The following SYT1 variants were observed in gnomAD, a reference collection of about 807,000 sequenced individuals.
SYT1 encodes the protein synaptotagmin 1.
Under a neutral mutation model 44.8 loss-of-function variants are expected in SYT1, and 8 were observed. That is an observed-to-expected ratio of 0.18 (90% CI 0.10 to 0.32). The LOEUF (loss-of-function observed/expected upper bound fraction) is 0.32, where lower values mean the gene tolerates loss of function less well. SYT1 is among the 10% of genes least tolerant of loss of function. The pLI is 1.00. For missense variants in SYT1, 286 were observed against 509.3 expected, an observed-to-expected ratio of 0.56 and a Z score of 4.22; for synonymous variants, 154 against 188.8, an observed-to-expected ratio of 0.82 and a Z score of 1.51.
At chr12:79,010,200 C>A (rs1871328348) in intron 2 of SYT1, among the ~76,000 whole-genome samples, 1 of 151,900 alleles carries the variant, frequency 6.6e-6, no homozygotes, top group Admixed American at 6.6e-5. Flanking sequence ...GAAAAGAGAC[C>A]ATGACAAGAT....
intron 2 of SYT1, among the ~76,000 whole-genome samples, chr12:79,028,774 A>C (rs1020539488): frequency 6.6e-6 from 1 of 151,314 alleles, no homozygotes; most frequent in African/African-American, 2.4e-5. Context: ...TGAAATGTAT[A>C]AGTATTATAG....
intron 3 of SYT1, among the ~76,000 whole-genome samples, chr12:79,179,457 ATC>A (rs1872319138): frequency 1.0e-3 from 1 of 964 alleles, no homozygotes; most frequent in South Asian, 0.05. Flanking sequence ...TATAGATATA[ATC>A]TATATAGATA....
At chr12:79,003,794 GA>G (rs985216454) in intron 2 of SYT1, among the ~76,000 whole-genome samples, 2 of 151,826 alleles carry the variant, frequency 1.3e-5, no homozygotes, top group Non-Finnish European at 2.9e-5. Context: ...CTTCTACAAA[GA>G]AAAAATGTAG....
At chr12:79,307,739 A>G (rs1880479115) in intron 8 of SYT1, among the ~76,000 whole-genome samples, 2 of 152,206 alleles carry the variant, frequency 1.3e-5, no homozygotes, top group Admixed American at 1.3e-4. Flanking sequence ...TTTACCGGCA[A>G]TGGCAACATT....
intron 8 of SYT1, among the ~76,000 whole-genome samples, chr12:79,337,982 A>G (rs1882165981): frequency 6.6e-6 from 1 of 152,202 alleles, no homozygotes; most frequent in African/African-American, 2.4e-5. Context: ...GACCCAGAAA[A>G]CCGAGGACAT....
At chr12:79,347,073 G>A (rs1416604849) in intron 8 of SYT1, among the ~76,000 whole-genome samples, 2 of 149,418 alleles carry the variant, frequency 1.3e-5, no homozygotes, top group Non-Finnish European at 3.0e-5. Flanking sequence ...ATGGACTAGG[G>A]CTTAATGGTT....
chr12:79,325,060 G>A (rs1881549340), intron 8 of SYT1, among the ~76,000 whole-genome samples: 1 of 152,130 alleles, frequency 6.6e-6, no homozygotes, highest in African/African-American at 2.4e-5. Context: ...GGTAGTTGGT[G>A]AGTTTGCTCT....
At chr12:79,220,267 C>G (rs1875077437) in intron 4 of SYT1, among the ~76,000 whole-genome samples, 1 of 151,892 alleles carries the variant, frequency 6.6e-6, no homozygotes, top group South Asian at 2.1e-4. Flanking sequence ...GCAATATCTC[C>G]TTTTTTGTTT....
chr12:79,398,773 A>C lies in SYT1; in HGVS notation c.928+45154A>C, dbSNP rs74107441. On this transcript the variant is annotated intron_variant, in intron 9 of 10. Coordinates refer to ENST00000261205, the MANE Select transcript of SYT1 (RefSeq NM_005639.3). ...TCTAAATTGCTATTTTAGAAGGAAA[A>C]TGATTGTAATATATAAAATGGACAT... is the stretch of plus-strand genomic sequence containing the variant. Among the ~76,000 whole-genome samples the C allele has an allele frequency of 6.8e-3, 1,034 of 152,326 alleles. 12 individuals are homozygous for C. Among genetic ancestry groups the C allele is most frequent in the African/African-American group, 0.023 (947 of 41,568 alleles).
chr12:79,325,979 T>A (rs1881590816), intron 8 of SYT1, among the ~76,000 whole-genome samples: 1 of 152,200 alleles, frequency 6.6e-6, no homozygotes, highest in South Asian at 2.1e-4. Flanking sequence ...AATTTCCTAC[T>A]ACCTCTTTAA....
At chr12:79,278,373 T>C (rs1314010640) in intron 4 of SYT1, among the ~76,000 whole-genome samples, 1 of 152,016 alleles carries the variant, frequency 6.6e-6, no homozygotes, top group East Asian at 1.9e-4. Flanking sequence ...CTCAAAACTA[T>C]AAAAAACACA....
At chr12:78,888,140 T>C (rs1413434797) in intron 1 of SYT1, among the ~76,000 whole-genome samples, 1 of 151,932 alleles carries the variant, frequency 6.6e-6, no homozygotes, top group Non-Finnish European at 1.5e-5. Flanking sequence ...TTAAATCCTT[T>C]CTTAAGAAAT....
At chr12:79,012,540 A>T (rs17041532) in intron 2 of SYT1, among the ~76,000 whole-genome samples, 11,648 of 152,226 alleles carry the variant, frequency 0.077, 578 homozygotes, top group East Asian at 0.15. Flanking sequence ...GATTTCAATA[A>T]GTAAGGAGAG....
At chr12:79,249,110 T>TTTTTTC (rs1877030203) in intron 4 of SYT1, among the ~76,000 whole-genome samples, 1 of 129,582 alleles carries the variant, frequency 7.7e-6, no homozygotes, top group Non-Finnish European at 1.6e-5. Context: ...TTTTTTTTTT[T>TTTTTTC]TTTTTGAGAC....
intron 1 of SYT1, among the ~76,000 whole-genome samples, chr12:78,874,581 C>T (rs1007119779): frequency 4.0e-5 from 6 of 151,540 alleles, no homozygotes; most frequent in Non-Finnish European, 8.9e-5. Context: ...ACCACCTTTG[C>T]TCCTCTTTCT....
intron 3 of SYT1, among the ~76,000 whole-genome samples, chr12:79,199,996 A>T (rs1054688374): frequency 2.6e-5 from 4 of 151,680 alleles, no homozygotes; most frequent in Non-Finnish European, 4.4e-5. Context: ...GGTAGCATAA[A>T]TTTTTTTTTA....
At chr12:78,888,577 A>C (rs955275627) in intron 1 of SYT1, among the ~76,000 whole-genome samples, 1 of 151,908 alleles carries the variant, frequency 6.6e-6, no homozygotes. Flanking sequence ...TCCAATAAAT[A>C]TTTCTATGAT....
intron 4 of SYT1, among the ~76,000 whole-genome samples, chr12:79,250,634 T>C (rs1464298371): frequency 6.6e-6 from 1 of 152,204 alleles, no homozygotes; most frequent in East Asian, 1.9e-4. Context: ...GTCATTTTGT[T>C]ATAATAACCC....
At chr12:78,884,937 T>G (rs911568727) in intron 1 of SYT1, among the ~76,000 whole-genome samples, 1 of 151,922 alleles carries the variant, frequency 6.6e-6, no homozygotes, top group Non-Finnish European at 1.5e-5. Context: ...TTAACTGTTT[T>G]TGTATATTGC....
Sources: allele counts gnomAD v4.1 joint callset (sites outside exome capture counted in the v4.1 genomes callset), GRCh38; gene constraint gnomAD v4.1.1; transcripts MANE v1.5; gene names NCBI Gene and HGNC (gene_info 2026-07-23, HGNC 2026-07-21).